The following GYPE variants were observed in gnomAD, a reference collection of about 807,000 sequenced individuals.
GYPE encodes glycophorin-E.
Under a neutral mutation model 11.6 loss-of-function variants are expected in GYPE, and 8 were observed. The observed-to-expected ratio is 0.69, with a 90% confidence interval of 0.41 to 1.25. The LOEUF is 1.25. GYPE is among the 50% of genes most tolerant of loss of function. The pLI, the probability that GYPE is intolerant of heterozygous loss-of-function variation, is 0.01. For synonymous variants in GYPE, 28 were observed against 29.6 expected (o/e 0.94, Z 0.18); for missense variants, 90 against 92.8 (o/e 0.97, Z 0.12).
At chr4:143,890,092 A>G (rs1211603028) in intron 1 of GYPE, among the ~76,000 whole-genome samples, 1 of 152,216 alleles carries the variant, frequency 6.6e-6, no homozygotes, top group East Asian at 1.9e-4. Context: ...ATCAGGGCTA[A>G]ATGAAGAGAT....
At chr4:143,903,038 C>T (rs1395748704) in intron 1 of GYPE, among the ~76,000 whole-genome samples, 3 of 151,654 alleles carry the variant, frequency 2.0e-5, no homozygotes, top group Non-Finnish European at 4.4e-5. Context: ...CTTCTGTCCT[C>T]TTTTCCCAGA....
chr4:143,900,692 A>G (rs1446617911), intron 1 of GYPE, among the ~76,000 whole-genome samples: 1 of 152,102 alleles, frequency 6.6e-6, no homozygotes, highest in Non-Finnish European at 1.5e-5. Flanking sequence ...AATATGGATG[A>G]ACTTTAAACA....
intron 2 of GYPE, chr4:143,878,547 T>G: frequency 2.3e-6 from 1 of 435,140 alleles, no homozygotes; most frequent in Admixed American, 3.2e-5. Context: ...CTCTTCTGTT[T>G]TAAGATTGAC....
At chr4:143,882,449 G>T (rs535056186) in intron 1 of GYPE, among the ~76,000 whole-genome samples, 1 of 152,194 alleles carries the variant, frequency 6.6e-6, no homozygotes, top group South Asian at 2.1e-4. Context: ...GTAGATAATG[G>T]AATATGGACC....
At chr4:143,904,737 T>C (rs540032206) in intron 1 of GYPE, among the ~76,000 whole-genome samples, 67 of 152,290 alleles carry the variant, frequency 4.4e-4, no homozygotes, top group African/African-American at 1.5e-3. Flanking sequence ...CTAGTATTGC[T>C]AACACATAAG....
intron 1 of GYPE, among the ~76,000 whole-genome samples, chr4:143,897,172 T>C (rs1744684834): frequency 6.6e-6 from 1 of 151,890 alleles, no homozygotes; most frequent in Non-Finnish European, 1.5e-5. Context: ...ATAAAAAAAA[T>C]TAAGTTGTAT....
intron 3 of GYPE, among the ~76,000 whole-genome samples, chr4:143,874,740 T>C (rs556608612): frequency 1.0e-3 from 153 of 152,186 alleles, no homozygotes; most frequent in Non-Finnish European, 1.6e-3. Flanking sequence ...CTTTCTGAGG[T>C]GTGGGCATCC....
At chr4:143,890,461 G>T (rs1744361265) in intron 1 of GYPE, among the ~76,000 whole-genome samples, 1 of 152,172 alleles carries the variant, frequency 6.6e-6, no homozygotes, top group African/African-American at 2.4e-5. Flanking sequence ...TTATCCCAAA[G>T]TTCTCACACC....
intron 2 of GYPE, among the ~76,000 whole-genome samples, chr4:143,878,411 T>C (rs1578954737): frequency 6.6e-6 from 1 of 152,328 alleles, no homozygotes; most frequent in Middle Eastern, 3.4e-3. Context: ...TCTGGGATTA[T>C]AGGCATGAGC....
chr4:143,881,823 G>C (rs931197407), intron 1 of GYPE, among the ~76,000 whole-genome samples: 4 of 152,154 alleles, frequency 2.6e-5, no homozygotes, highest in African/African-American at 9.7e-5. Context: ...TTCAAATGAG[G>C]GGAATGGCAC....
intron 1 of GYPE, among the ~76,000 whole-genome samples, chr4:143,882,740 T>C (rs1744088830): frequency 6.6e-6 from 1 of 152,178 alleles, no homozygotes; most frequent in South Asian, 2.1e-4. Flanking sequence ...CTTTTAATCC[T>C]CCACTCCTTC....
intron 1 of GYPE, among the ~76,000 whole-genome samples, chr4:143,904,182 G>C (rs867745918): frequency 1.6e-4 from 24 of 151,736 alleles, no homozygotes; most frequent in Middle Eastern, 3.4e-3. Flanking sequence ...CACATACGTA[G>C]GTTTGTTCCC....
chr4:143,904,135 AT>A (rs1417619762), intron 1 of GYPE, among the ~76,000 whole-genome samples: 1 of 151,608 alleles, frequency 6.6e-6, no homozygotes, highest in Non-Finnish European at 1.5e-5. Context: ...TCTTTCTGTA[AT>A]TTTCTTTTCT....
intron 1 of GYPE, among the ~76,000 whole-genome samples, chr4:143,889,399 A>G (rs1362218688): frequency 6.6e-6 from 1 of 152,086 alleles, no homozygotes; most frequent in Non-Finnish European, 1.5e-5. Flanking sequence ...AAAGGAGAGC[A>G]GAGTTCTATT....
chr4:143,883,888 T>C (rs1744151415), intron 1 of GYPE, among the ~76,000 whole-genome samples: 1 of 152,092 alleles, frequency 6.6e-6, no homozygotes, highest in South Asian at 2.1e-4. Flanking sequence ...TGCCATCTAG[T>C]AGTTTTGACT....
chr4:143,897,468 CT>C (rs1316670017), intron 1 of GYPE, among the ~76,000 whole-genome samples: 1 of 151,614 alleles, frequency 6.6e-6, no homozygotes, highest in Non-Finnish European at 1.5e-5. Flanking sequence ...AATCTTGTCT[CT>C]AAAAAAAATT....
chr4:143,894,018 C>G (rs1414854773), intron 1 of GYPE, among the ~76,000 whole-genome samples: 6 of 152,022 alleles, frequency 3.9e-5, no homozygotes, highest in Non-Finnish European at 8.8e-5. Flanking sequence ...TCTTTTTATT[C>G]TTTTTTCTCT....
intron 1 of GYPE, among the ~76,000 whole-genome samples, chr4:143,900,943 G>A (rs966777072): frequency 2.0e-5 from 3 of 152,092 alleles, no homozygotes; most frequent in Admixed American, 6.6e-5. Context: ...AAATGCTACC[G>A]ATTGTACACT....
intron 2 of GYPE, among the ~76,000 whole-genome samples, chr4:143,878,473 A>G (rs1446665728): frequency 6.6e-6 from 1 of 152,192 alleles, no homozygotes; most frequent in Non-Finnish European, 1.5e-5. Flanking sequence ...GCCTATTTTA[A>G]TTTTAAAAAG....
Sources: allele counts gnomAD v4.1 joint callset (sites outside exome capture counted in the v4.1 genomes callset), GRCh38; gene constraint gnomAD v4.1.1; transcripts MANE v1.5; gene names NCBI Gene and HGNC (gene_info 2026-07-23, HGNC 2026-07-21).